Variants in MGMT observed in about 807,000 individuals in gnomAD.
MGMT encodes O-6-methylguanine-DNA methyltransferase.
MGMT carries 14 observed loss-of-function variants against 15.9 expected under a neutral mutation model. The observed-to-expected ratio is 0.88, with a 90% CI of 0.58 to 1.37. The LOEUF (loss-of-function observed/expected upper bound fraction) is 1.37. Among genes scored for constraint, MGMT ranks in the 40% most tolerant of loss-of-function variants. The probability of loss-of-function intolerance (pLI) is 0.00; values close to 1 mark genes in which losing one functional copy is unlikely to be tolerated. For missense variants in MGMT, 282 were observed against 268.1 expected (o/e 1.05, Z -0.36); for synonymous variants, 130 against 118.2 (o/e 1.10, Z -0.65).
intron 3 of MGMT, among the ~76,000 whole-genome samples, chr10:129,729,810 C>T (rs573103020): frequency 2.2e-4 from 34 of 152,276 alleles, no homozygotes; most frequent in African/African-American, 6.5e-4. Context: ...GGCAGCAGCA[C>T]GATGATCAAT....
intron 4 of MGMT, among the ~76,000 whole-genome samples, chr10:129,760,097 C>T (rs1044182565): frequency 7.9e-5 from 12 of 152,260 alleles, no homozygotes; most frequent in African/African-American, 1.7e-4. Flanking sequence ...GGTGGGGCAG[C>T]GTGGCCTGTG....
At position 129,614,887 on chromosome 10, in the gene MGMT, C is replaced by T. The variant is rs148842687; in HGVS notation, c.125+78510C>T. ...TCCCATCTTTAAAATGTGTGGGTGC[C>T]GAGCGCTCCCTCGTCAGCTTTTGCA... On this transcript the variant is annotated intron_variant, in intron 2 of 4. Transcript: ENST00000651593. 2.4e-3 allele frequency among the ~76,000 whole-genome samples: 369 copies of T among 152,272 alleles called. 1 individual carries two copies. Among genetic ancestry groups the T allele is most frequent in the African/African-American group, 8.4e-3 (347 of 41,546 alleles).
intron 1 of MGMT, among the ~76,000 whole-genome samples, chr10:129,526,503 T>C (rs1486363822): frequency 1.3e-5 from 2 of 152,184 alleles, no homozygotes; most frequent in Non-Finnish European, 2.9e-5. Context: ...ACAAGGAGGC[T>C]GGTGATTTCT....
intron 3 of MGMT, among the ~76,000 whole-genome samples, chr10:129,755,349 C>G (rs1409894883): frequency 6.6e-6 from 1 of 152,214 alleles, no homozygotes; most frequent in Non-Finnish European, 1.5e-5. Context: ...GGCTGCTGCA[C>G]AGGGATGTCC....
intron 2 of MGMT, among the ~76,000 whole-genome samples, chr10:129,559,067 A>G (rs1846247993): frequency 6.6e-6 from 1 of 152,150 alleles, no homozygotes; most frequent in African/African-American, 2.4e-5. Flanking sequence ...ATTTGCATCG[A>G]CCAGGATGCT....
chr10:129,710,296 C>T (rs1848216963), intron 3 of MGMT, among the ~76,000 whole-genome samples: 1 of 152,214 alleles, frequency 6.6e-6, no homozygotes, highest in South Asian at 2.1e-4. Flanking sequence ...GGGACGAGGT[C>T]CACTCCAGCC....
At chr10:129,691,489 C>T (rs112095242) in intron 2 of MGMT, among the ~76,000 whole-genome samples, 7 of 152,190 alleles carry the variant, frequency 4.6e-5, no homozygotes, top group African/African-American at 1.2e-4. Context: ...GGTGTTAGCT[C>T]GGATAACTGG....
intron 2 of MGMT, among the ~76,000 whole-genome samples, chr10:129,634,521 CT>C (rs1589905864): frequency 1.3e-5 from 2 of 151,980 alleles, no homozygotes; most frequent in East Asian, 3.9e-4. Context: ...TCCTTTCTTC[CT>C]TCCTTTTGAT....
chr10:129,530,740 C>T (rs1036949638), intron 1 of MGMT, among the ~76,000 whole-genome samples: 3 of 152,242 alleles, frequency 2.0e-5, no homozygotes, highest in Non-Finnish European at 2.9e-5. Context: ...CTGGCCATGG[C>T]GGCCTCAGGG....
rs57984603 is a variant in MGMT, at chr10:129,560,954, AGTGTGTGTGTGT to A, written c.125+24610_125+24621del. On this transcript the variant is annotated intron_variant, in intron 2 of 4. Transcript: ENST00000651593. ...TCTCCAGCTGAATTCAGTAAAGAGC[AGTGTGTGTGTGT>A]GTGTGTGTGTGTGTGTGTGTGTGTG... Among the ~76,000 whole-genome samples the A allele has an allele frequency of 2.2e-3, 291 of 133,316 alleles. 2 individuals carry two copies. Among genetic ancestry groups the A allele is most frequent in the African/African-American group, 7.2e-3 (263 of 36,476 alleles). The allele number at this position is 133,316 out of a possible 152,430, so 87.5% of individuals were successfully genotyped here. A position where few individuals can be genotyped will look rare whatever the true frequency, so the allele number is the denominator to read the frequency against.
At chr10:129,602,037 A>G (rs1846829362) in intron 2 of MGMT, among the ~76,000 whole-genome samples, 1 of 152,186 alleles carries the variant, frequency 6.6e-6, no homozygotes, top group African/African-American at 2.4e-5. Context: ...CATCATGCGA[A>G]AAGTTAAATC....
intron 2 of MGMT, among the ~76,000 whole-genome samples, chr10:129,559,546 G>A (rs945085373): frequency 2.6e-5 from 4 of 151,786 alleles, no homozygotes; most frequent in South Asian, 2.1e-4. Flanking sequence ...AGGTATTAGC[G>A]GCTGATCTTT....
At chr10:129,655,130 G>A (rs1287110941) in intron 2 of MGMT, among the ~76,000 whole-genome samples, 1 of 152,210 alleles carries the variant, frequency 6.6e-6, no homozygotes, top group Non-Finnish European at 1.5e-5. Context: ...AGGTATGCAT[G>A]GAAAGAAAGC....
chr10:129,764,538 C>T (rs939853421), intron 4 of MGMT, among the ~76,000 whole-genome samples: 15 of 152,236 alleles, frequency 9.9e-5, no homozygotes, highest in African/African-American at 7.2e-5. Flanking sequence ...GCTGGGCACA[C>T]GCCCCCAGCT....
At chr10:129,497,204 G>T (rs556405307) in intron 1 of MGMT, among the ~76,000 whole-genome samples, 3 of 152,176 alleles carry the variant, frequency 2.0e-5, no homozygotes, top group South Asian at 2.1e-4. Context: ...CCACTCCCCC[G>T]TCTCTGCACC....
chr10:129,683,960 C>G (rs966075424), intron 2 of MGMT, among the ~76,000 whole-genome samples: 1 of 152,218 alleles, frequency 6.6e-6, no homozygotes, highest in Admixed American at 6.5e-5. Flanking sequence ...CCCATCATCA[C>G]AAAAGGACCC....
intron 1 of MGMT, among the ~76,000 whole-genome samples, chr10:129,483,573 G>A (rs1845380519): frequency 6.6e-6 from 1 of 152,046 alleles, no homozygotes; most frequent in Non-Finnish European, 1.5e-5. Context: ...CTTTAAAGAT[G>A]TTGTTCCATT....
chr10:129,763,189 G>C (rs575117148), intron 4 of MGMT, among the ~76,000 whole-genome samples: 20 of 152,312 alleles, frequency 1.3e-4, no homozygotes, highest in Admixed American at 2.6e-4. Flanking sequence ...TTTCAATGCA[G>C]CTGTGATATT....
intron 2 of MGMT, among the ~76,000 whole-genome samples, chr10:129,570,034 G>A (rs929089578): frequency 2.6e-5 from 4 of 152,188 alleles, no homozygotes; most frequent in Non-Finnish European, 4.4e-5. Flanking sequence ...TTGTCTGTGC[G>A]AAGAGAAAGT....
Sources: gnomAD v4.1 joint callset for allele counts (sites outside exome capture counted in the v4.1 genomes callset) on GRCh38, gnomAD v4.1.1 for gene constraint, MANE v1.5 for transcripts, NCBI Gene and HGNC (gene_info 2026-07-23, HGNC 2026-07-21) for gene names.